Variants in STAT1 observed in about 807,000 individuals in gnomAD.
The protein encoded by STAT1 is signal transducer and activator of transcription 1, also known as signal transducer and activator of transcription 1-alpha/beta.
A neutral mutation model predicts 111.7 loss-of-function variants in STAT1; 24 were observed. That is an observed-to-expected ratio of 0.21 (90% CI 0.16 to 0.30). The LOEUF is 0.30. STAT1 is among the 10% of genes least tolerant of loss of function. The pLI, the probability that STAT1 is intolerant of heterozygous loss-of-function variation, is 1.00. For synonymous variants in STAT1, 332 were observed against 326.5 expected (o/e 1.02, Z -0.18); for missense variants, 351 against 911.9 (o/e 0.38, Z 7.92).
chr2:191,012,807 G>T lies in STAT1; in HGVS notation c.-2+718C>A, dbSNP rs1695240038. On this transcript the variant is annotated intron_variant, in intron 2 of 24. Coordinates refer to ENST00000361099, the MANE Select transcript of STAT1 (RefSeq NM_007315.4). The surrounding 1 kb of genome is among the most constrained non-coding windows in gnomAD (Gnocchi z 4.0). ...GCTTTGCTCCAGCTACTCGCCCTTGGAAACAGCCTCTCCACAAATTTTTGC... is the reference window on the plus strand; with the variant it reads ...GCTTTGCTCCAGCTACTCGCCCTTGTAAACAGCCTCTCCACAAATTTTTGC... 6.6e-6 allele frequency among the ~76,000 whole-genome samples: 1 copy of T among 152,168 alleles called. No individual in the cohort carries two copies. The highest frequency in any genetic ancestry group is 2.1e-4 in the South Asian group (1 of 4,826).
intron 10 of STAT1, among the ~76,000 whole-genome samples, chr2:190,994,064 T>C (rs542672629): frequency 3.0e-4 from 46 of 152,148 alleles, no homozygotes; most frequent in Non-Finnish European, 6.0e-4. Flanking sequence ...GTTTGGGAAA[T>C]CTGGGAAGAT....
intron 10 of STAT1, among the ~76,000 whole-genome samples, 189 bp downstream of exon 10, chr2:190,994,872 C>A (rs1037831565): frequency 4.1e-5 from 6 of 145,286 alleles, no homozygotes; most frequent in African/African-American, 5.1e-5. Context: ...GCCAAGATCA[C>A]GCCACTGCAC....
rs561754744 is a variant in STAT1 at position 190,981,966 on chromosome 2, C to T, written c.1582+417G>A. Among the ~76,000 whole-genome samples, 29 of 152,332 alleles carry T rather than the reference C, an allele frequency of 1.9e-4. No individual in the cohort carries two copies. In the South Asian group the frequency reaches 2.3e-3, roughly 12 times the overall value. ...CCTGGGCCCCACCTGAGGCAAGGGC[C>T]CTGGGTTTATGCTGCAGTGGGCAAG... is the stretch of plus-strand genomic sequence containing the variant. On this transcript the variant is annotated intron_variant, in intron 18 of 24. Transcript: ENST00000361099. The surrounding 1 kb of genome is among the most constrained non-coding windows in gnomAD (Gnocchi z 4.1).
At position 190,982,345 on chromosome 2, in the gene STAT1, T is replaced by C; in HGVS notation, c.1582+38A>G. 3.7e-6 allele frequency: 6 copies of C among 1,611,932 alleles called. No homozygotes were observed. The highest frequency in any genetic ancestry group is 4.2e-6 in the Non-Finnish European group (5 of 1,178,284). ...AATTAGAGAGATATTTTTATGAATTTCAATTTTTATAAACATAACAAGTTA... is the reference window on the plus strand; with the variant it reads ...AATTAGAGAGATATTTTTATGAATTCCAATTTTTATAAACATAACAAGTTA... On this transcript the variant is annotated intron_variant, in intron 18 of 24. Transcript: ENST00000361099. The surrounding 1 kb of genome is among the most constrained non-coding windows in gnomAD (Gnocchi z 7.3).
intron 12 of STAT1, among the ~76,000 whole-genome samples, chr2:190,988,796 G>A (rs114919884): frequency 6.6e-6 from 1 of 152,074 alleles, no homozygotes; most frequent in Non-Finnish European, 1.5e-5. Flanking sequence ...TCTTATAGGA[G>A]TGGGAAAAAG....
chr2:190,995,102 T>C lies in STAT1; in HGVS notation c.903A>G (p.Leu301=). The change falls in exon 10 of 25, where the codon TTA becomes TTG. Residue 301 remains leucine, a synonymous_variant. Coordinates refer to ENST00000361099, the MANE Select transcript of STAT1 (RefSeq NM_007315.4). This position sits in a 1 kb window ranked among gnomAD's most constrained non-coding sequence, Gnocchi z 4.2. ...GGAAAAGACTGAAGGTGCGGTCCCA[T>C]AACACTTGTTTGTTTTTTGTGATAG... The part of the protein sequence containing the change: ...HDPITKNKQV[L]WDRTFSLFQQ... The C allele has an allele frequency of 6.2e-7, 1 of 1,613,962 alleles. No individual in the cohort carries two copies. The highest frequency in any genetic ancestry group is 8.5e-7 in the Non-Finnish European group (1 of 1,179,972).
Position 190,975,427 on chromosome 2 carries a change from T to G in STAT1, c.2135+385A>C. 1.4e-6 allele frequency: 1 copy of G among 735,626 alleles called. No homozygotes were observed. Among genetic ancestry groups the G allele is most frequent in the Non-Finnish European group, 2.1e-6 (1 of 465,246 alleles). 45.6% of individuals were successfully genotyped at this position (735,626 alleles called of 1,614,324 possible). A position where few individuals can be genotyped will look rare whatever the true frequency, so the allele number is the denominator to read the frequency against. ...AACTGACAATGACATTTCCAAAATT[T>G]TTTCTACCTTTTATAAAATGAAACA... On this transcript the variant is annotated intron_variant, in intron 23 of 24. Coordinates refer to ENST00000361099, the MANE Select transcript of STAT1 (RefSeq NM_007315.4). This position sits in a 1 kb window ranked among gnomAD's most constrained non-coding sequence, Gnocchi z 5.9.
chr2:190,970,847 G>A lies in STAT1; in HGVS notation c.2239-130C>T, dbSNP rs185561309. On this transcript the variant is annotated intron_variant, in intron 24 of 24. Transcript: ENST00000361099. This position sits in a 1 kb window ranked among gnomAD's most constrained non-coding sequence, Gnocchi z 5.4. ...ATACTTGCAATGGCAAATAAATACC[G>A]TGGAATAAGAGGGCCTTCAGCATGT... is the stretch of plus-strand genomic sequence containing the variant. The A allele has an allele frequency of 2.5e-4, 225 of 887,440 alleles. 1 individual carries two copies. In the African/African-American group the frequency reaches 2.6e-3, roughly 10 times the overall value. 55.0% of individuals were successfully genotyped at this position (887,440 alleles called of 1,614,324 possible).
rs1691655079 is a variant in STAT1 at position 190,973,424 on chromosome 2, G to A, written c.2238+1406C>T. On this transcript the variant is annotated intron_variant, in intron 24 of 24. Transcript: ENST00000361099. This position sits in a 1 kb window ranked among gnomAD's most constrained non-coding sequence, Gnocchi z 4.4. The stretch of plus-strand genomic sequence containing the variant: ...ACAATAACACCTAACTCAGAAGGTG[G>A]CTGTGAGGACTGAATGAGTTACTAC... 6.6e-6 allele frequency among the ~76,000 whole-genome samples: 1 copy of A among 152,154 alleles called. No homozygotes were observed. Among genetic ancestry groups the A allele is most frequent in the Admixed American group, 6.5e-5 (1 of 15,272 alleles).
intron 10 of STAT1, 147 bp downstream of exon 10, chr2:190,994,914 C>CA (rs1220419590): frequency 0.021 from 2,079 of 97,096 alleles, 49 homozygotes; most frequent in Middle Eastern, 0.043. Flanking sequence ...GACTCTATCT[C>CA]AAAAAAAAAA....
chr2:190,978,117 G>A lies in STAT1; in HGVS notation c.1873+739C>T, dbSNP rs1465503383. On this transcript the variant is annotated intron_variant, in intron 21 of 24. Coordinates refer to ENST00000361099, the MANE Select transcript of STAT1 (RefSeq NM_007315.4). The surrounding 1 kb of genome is among the most constrained non-coding windows in gnomAD (Gnocchi z 6.1). ...TTCAGAAAAATAAATAGAACAAGAA[G>A]AGTATTCCATTTTGTGTCTACCCAC... Among the ~76,000 whole-genome samples the A allele has an allele frequency of 3.3e-5, 5 of 152,052 alleles. No individual in the cohort carries two copies. The highest frequency in any genetic ancestry group is 1.2e-4 in the African/African-American group (5 of 41,388).
chr2:190,977,683 A>T lies in STAT1; in HGVS notation c.1874-658T>A, dbSNP rs1323015316. On this transcript the variant is annotated intron_variant, in intron 21 of 24. Coordinates refer to ENST00000361099, the MANE Select transcript of STAT1 (RefSeq NM_007315.4). The surrounding 1 kb of genome is among the most constrained non-coding windows in gnomAD (Gnocchi z 4.7). ...TGGGGAGCCTGCTGTGGAACATGAG[A>T]CTATGCTGCCATCCTAACCCTTCCT... Among the ~76,000 whole-genome samples, 1 of 152,046 alleles carries T rather than the reference A, an allele frequency of 6.6e-6. No individual in the cohort carries two copies. Among genetic ancestry groups the T allele is most frequent in the Non-Finnish European group, 1.5e-5 (1 of 68,010 alleles).
Position 190,974,743 on chromosome 2 carries a change from CA to C in STAT1, c.2238+86del, listed in dbSNP as rs1574636491. 1 of 1,217,392 alleles carries C rather than the reference CA, an allele frequency of 8.2e-7. No individual in the cohort carries two copies. The highest frequency in any genetic ancestry group is 2.3e-5 in the East Asian group (1 of 42,760). The allele number at this position is 1,217,392 out of a possible 1,614,324, so 75.4% of individuals were successfully genotyped here. A position where few individuals can be genotyped will look rare whatever the true frequency, so the allele number is the denominator to read the frequency against. On this transcript the variant is annotated intron_variant, in intron 24 of 24. Coordinates refer to ENST00000361099, the MANE Select transcript of STAT1 (RefSeq NM_007315.4). This position sits in a 1 kb window ranked among gnomAD's most constrained non-coding sequence, Gnocchi z 4.8. Reference sequence around the variant, plus strand: ...CTCCGCCAGGGCTCCCTCCCGCAGACAGGCCCGGGATCTGCCATGGTGCGCT... The same window carrying C: ...CTCCGCCAGGGCTCCCTCCCGCAGACGGCCCGGGATCTGCCATGGTGCGCT...
In STAT1 at chr2:190,993,568, G is replaced by C. The variant is rs917859156; in HGVS notation, c.944+1493C>G. On this transcript the variant is annotated intron_variant, in intron 10 of 24. Transcript: ENST00000361099. This position sits in a 1 kb window ranked among gnomAD's most constrained non-coding sequence, Gnocchi z 4.1. Reference sequence around the variant, plus strand: ...TCAATTTGGGATTCATGCTGGACATGTCACTGTAGCTGCCACCGCTGCCAC... The same window carrying C: ...TCAATTTGGGATTCATGCTGGACATCTCACTGTAGCTGCCACCGCTGCCAC... The C allele has an allele frequency of 1.3e-5, 8 of 625,886 alleles. No homozygotes were observed. In the Admixed American group the frequency reaches 1.7e-4, roughly 14 times the overall value. 38.8% of individuals were successfully genotyped at this position (625,886 alleles called of 1,614,324 possible). A position where few individuals can be genotyped will look rare whatever the true frequency, so the allele number is the denominator to read the frequency against.
chr2:190,980,545 T>C lies in STAT1; in HGVS notation c.1632+75A>G, dbSNP rs1289760231. 6.6e-7 allele frequency: 1 copy of C among 1,510,350 alleles called. No individual in the cohort carries two copies. The highest frequency in any genetic ancestry group is 1.4e-5 in the African/African-American group (1 of 72,666). 93.6% of individuals were successfully genotyped at this position (1,510,350 alleles called of 1,614,324 possible). On this transcript the variant is annotated intron_variant, in intron 19 of 24. Coordinates refer to ENST00000361099, the MANE Select transcript of STAT1 (RefSeq NM_007315.4). The surrounding 1 kb of genome is among the most constrained non-coding windows in gnomAD (Gnocchi z 6.1). ...AAATAAGCAAACAGTTAAGTAACTA[T>C]CACAGCAAGAAACATGAGAACCTCA...
At position 190,986,382 on chromosome 2, in the gene STAT1, C is replaced by A. The variant is rs1319459068; in HGVS notation, c.1221+472G>T. Among the ~76,000 whole-genome samples the A allele has an allele frequency of 6.6e-6, 1 of 152,154 alleles. No individual in the cohort carries two copies. Among genetic ancestry groups the A allele is most frequent in the Non-Finnish European group, 1.5e-5 (1 of 68,024 alleles). On this transcript the variant is annotated intron_variant, in intron 14 of 24. Transcript: ENST00000361099. The surrounding 1 kb of genome is among the most constrained non-coding windows in gnomAD (Gnocchi z 5.0). The stretch of plus-strand genomic sequence containing the variant: ...GGGTCTCCACTGCCTGGGGAATGAG[C>A]CCTACTGCCCTGGAGAAAAGGTGGT...
rs1691353518 is a variant in STAT1, at chr2:190,970,262, T to C, written c.*441A>G. On this transcript the variant is annotated 3_prime_UTR_variant, in exon 25 of 25. Transcript: ENST00000361099. The surrounding 1 kb of genome is among the most constrained non-coding windows in gnomAD (Gnocchi z 5.4). ...AGTTACACTTAAAGCAAAGAAAACA[T>C]GTAAGAATTCTCCCACAGAAATTTA... 1 of 235,332 alleles carries C rather than the reference T, an allele frequency of 4.2e-6. No homozygotes were observed. The highest frequency in any genetic ancestry group is 8.5e-6 in the Non-Finnish European group (1 of 117,380). The allele number at this position is 235,332 out of a possible 1,614,324, so 14.6% of individuals were successfully genotyped here.
At chr2:190,994,925 A>AT (rs1553496728) in intron 10 of STAT1, 136 bp downstream of exon 10, 122 of 99,474 alleles carry the variant, frequency 1.2e-3, no homozygotes, top group African/African-American at 7.1e-3. Flanking sequence ...AAAAAAAAAA[A>AT]AAATATATAT....
rs1428459332 is a variant in STAT1 at position 190,981,205 on chromosome 2, C to T, written c.1583-536G>A. The stretch of plus-strand genomic sequence containing the variant: ...TTCCTCTGCTGCTCAGCAGAGCCCC[C>T]TCTCCCAAGGATCCTACAGAATTTT... On this transcript the variant is annotated intron_variant, in intron 18 of 24. Coordinates refer to ENST00000361099, the MANE Select transcript of STAT1 (RefSeq NM_007315.4). The surrounding 1 kb of genome is among the most constrained non-coding windows in gnomAD (Gnocchi z 4.1). Among the ~76,000 whole-genome samples the T allele has an allele frequency of 1.3e-5, 2 of 152,198 alleles. No homozygotes were observed. The highest frequency in any genetic ancestry group is 4.8e-5 in the African/African-American group (2 of 41,448).
Sources: allele counts gnomAD v4.1 joint callset (sites outside exome capture counted in the v4.1 genomes callset), GRCh38; gene constraint gnomAD v4.1.1; non-coding constraint Gnocchi (gnomAD v3.1); transcripts MANE v1.5; gene names NCBI Gene and HGNC (gene_info 2026-07-23, HGNC 2026-07-21).